Variants in PCDH15 observed in about 807,000 individuals in gnomAD.
PCDH15 encodes the protein protocadherin related 15, also known as protocadherin-15.
Under a neutral mutation model 178.5 loss-of-function variants are expected in PCDH15, and 129 were observed. The observed-to-expected ratio is 0.72, with a 90% CI of 0.63 to 0.84. The LOEUF is 0.84. PCDH15 is among the 40% of genes least tolerant of loss of function. The probability of loss-of-function intolerance (pLI) is 0.00; values close to 1 mark genes in which losing one functional copy is unlikely to be tolerated. For missense variants in PCDH15, 2,230 were observed against 2,099.9 expected (o/e 1.06, Z -1.21); for synonymous variants, 800 against 732.0 (o/e 1.09, Z -1.50).
At chr10:55,336,124 GAAAAAAAA>G (rs748988261) in intron 2 of PCDH15, among the ~76,000 whole-genome samples, 63 of 59,292 alleles carry the variant, frequency 1.1e-3, no homozygotes, top group African/African-American at 3.4e-3. Context: ...CTTGGTATTT[GAAAAAAAA>G]AAAAAAAAAA....
At chr10:55,113,120 G>T (rs921873202) in intron 2 of PCDH15, among the ~76,000 whole-genome samples, 6 of 152,114 alleles carry the variant, frequency 3.9e-5, no homozygotes, top group Non-Finnish European at 8.8e-5. Context: ...CCAAAACTGT[G>T]AGAAATAAAT....
intron 2 of PCDH15, among the ~76,000 whole-genome samples, chr10:55,370,222 G>A (rs1383451629): frequency 6.6e-6 from 1 of 152,016 alleles, no homozygotes; most frequent in African/African-American, 2.4e-5. Flanking sequence ...AAGAACAGAT[G>A]TGAACCATTT....
intron 2 of PCDH15, among the ~76,000 whole-genome samples, chr10:55,060,814 A>C (rs1386923103): frequency 6.6e-6 from 1 of 152,080 alleles, no homozygotes; most frequent in Non-Finnish European, 1.5e-5. Context: ...AAAACAATAC[A>C]ATGAAGAAGT....
At position 55,421,609 on chromosome 10, in the gene PCDH15, A is replaced by G. The variant is rs113844495; in HGVS notation, c.-156+206016T>C. The stretch of plus-strand genomic sequence containing the variant: ...AGACTAAAATGATCTTCTGTGACTC[A>G]CTGCTAGAGAAACTGATATGTTAAT... On this transcript the variant is annotated intron_variant, in intron 2 of 5. Coordinates refer to the PCDH15 transcript ENST00000613346. Among the ~76,000 whole-genome samples the G allele has an allele frequency of 1.5e-3, 222 of 151,144 alleles. 1 individual carries two copies. The highest frequency in any genetic ancestry group is 4.6e-3 in the African/African-American group (191 of 41,408).
intron 2 of PCDH15, among the ~76,000 whole-genome samples, chr10:55,434,978 C>T (rs995341068): frequency 2.0e-5 from 3 of 152,096 alleles, no homozygotes; most frequent in African/African-American, 7.2e-5. Context: ...TTTATGAAAA[C>T]ATGAATAGTC....
intron 2 of PCDH15, among the ~76,000 whole-genome samples, chr10:54,916,978 C>T (rs1424522519): frequency 6.6e-6 from 1 of 151,996 alleles, no homozygotes; most frequent in Non-Finnish European, 1.5e-5. Flanking sequence ...ACATAATACA[C>T]AGAAAACAAG....
In PCDH15 at chr10:55,390,406, CATTA is replaced by C. The variant is rs1225874132; in HGVS notation, c.-155-223759_-155-223756del. Among the ~76,000 whole-genome samples, 4 of 152,170 alleles carry C rather than the reference CATTA, an allele frequency of 2.6e-5. No homozygotes were observed. The East Asian group carries it at 7.7e-4, about 29-fold the overall frequency. The stretch of plus-strand genomic sequence containing the variant: ...GGTAAATCAATAATGAAGTTTGCCA[CATTA>C]ATTGAGTATTCCTTTCACAAAAGAT... On this transcript the variant is annotated intron_variant, in intron 2 of 5. Transcript: ENST00000613346.
At chr10:54,705,741 C>T (rs1463531916) in intron 1 of PCDH15, among the ~76,000 whole-genome samples, 2 of 152,096 alleles carry the variant, frequency 1.3e-5, no homozygotes, top group Non-Finnish European at 2.9e-5. Flanking sequence ...TATTTACTTT[C>T]TCAAATATTA....
At chr10:54,495,168 A>G (rs1324015041) in intron 3 of PCDH15, among the ~76,000 whole-genome samples, 2 of 152,164 alleles carry the variant, frequency 1.3e-5, no homozygotes, top group East Asian at 1.9e-4. Flanking sequence ...ATCCCCAGAA[A>G]GCAACCTATG....
intron 3 of PCDH15, among the ~76,000 whole-genome samples, chr10:54,470,486 C>G (rs770003118): frequency 3.9e-5 from 6 of 152,088 alleles, no homozygotes; most frequent in African/African-American, 1.4e-4. Context: ...GGACTGGGCT[C>G]TCAAAATAGC....
intron 2 of PCDH15, among the ~76,000 whole-genome samples, chr10:55,357,586 T>C (rs1031700365): frequency 3.3e-5 from 5 of 152,016 alleles, no homozygotes; most frequent in East Asian, 1.9e-4. Context: ...TTGGGAAAGA[T>C]TGAATTAGAC....
intron 13 of PCDH15, among the ~76,000 whole-genome samples, chr10:54,168,624 A>C (rs1198743308): frequency 1.2e-4 from 19 of 152,248 alleles, no homozygotes; most frequent in African/African-American, 4.3e-4. Context: ...AGTCAAGGTT[A>C]ATGCTCCTTT....
intron 8 of PCDH15, among the ~76,000 whole-genome samples, chr10:54,302,340 T>C (rs925268774): frequency 1.3e-5 from 2 of 152,222 alleles, no homozygotes; most frequent in Non-Finnish European, 2.9e-5. Flanking sequence ...AGACACACTT[T>C]GTTGTTTTAG....
intron 1 of PCDH15, among the ~76,000 whole-genome samples, chr10:55,274,135 T>C (rs1012676414): frequency 1.3e-5 from 2 of 152,138 alleles, no homozygotes; most frequent in African/African-American, 4.8e-5. Flanking sequence ...CCAAAACTTA[T>C]GCATTGGAAA....
At position 55,406,922 on chromosome 10, in the gene PCDH15, CA is replaced by C. The variant is rs1216744888; in HGVS notation, c.-156+220702del. On this transcript the variant is annotated intron_variant, in intron 2 of 5. Transcript: ENST00000613346. ...GTTAATTAGGATAAAAACATAATGC[CA>C]AGTAAAGAAAGTAATTCTTTTTTTA... Among the ~76,000 whole-genome samples, 5 of 152,118 alleles carry C rather than the reference CA, an allele frequency of 3.3e-5. No individual in the cohort carries two copies. In the Middle Eastern group the frequency reaches 0.01, roughly 310 times the overall value.
chr10:55,479,907 C>T (rs1840141760), intron 2 of PCDH15, among the ~76,000 whole-genome samples: 4 of 151,616 alleles, frequency 2.6e-5, no homozygotes, highest in African/African-American at 9.7e-5. Context: ...ATCTCATTTA[C>T]AATAGCTGCA....
chr10:54,686,236 G>A (rs2095003615), intron 1 of PCDH15, among the ~76,000 whole-genome samples: 1 of 151,484 alleles, frequency 6.6e-6, no homozygotes, highest in Admixed American at 6.6e-5. Flanking sequence ...AAAATCATCA[G>A]CTAATAACCA....
intron 17 of PCDH15, among the ~76,000 whole-genome samples, chr10:54,075,416 T>C (rs2094324263): frequency 6.6e-6 from 1 of 152,174 alleles, no homozygotes; most frequent in Non-Finnish European, 1.5e-5. Flanking sequence ...TGAATATTAA[T>C]GACTTATCAT....
chr10:54,050,127 T>C (rs1031054083), intron 18 of PCDH15, among the ~76,000 whole-genome samples: 1 of 152,174 alleles, frequency 6.6e-6, no homozygotes, highest in Non-Finnish European at 1.5e-5. Context: ...ATAGTTTCAG[T>C]AGGACTGGTG....
Sources: allele counts gnomAD v4.1 joint callset (sites outside exome capture counted in the v4.1 genomes callset), GRCh38; gene constraint gnomAD v4.1.1; transcripts MANE v1.5; gene names NCBI Gene and HGNC (gene_info 2026-07-23, HGNC 2026-07-21).